Variants in KLRG1 observed in about 807,000 individuals in gnomAD.
KLRG1 encodes killer cell lectin like receptor G1, also known as killer cell lectin-like receptor subfamily G member 1.
A neutral mutation model predicts 21.8 loss-of-function variants in KLRG1; 16 were observed. That is an observed-to-expected ratio of 0.73 (90% CI 0.50 to 1.11). The LOEUF is 1.11. Ranked by LOEUF, KLRG1 falls within the 50% of genes most tolerant of loss-of-function variation. The probability of loss-of-function intolerance (pLI) is 0.00; values close to 1 mark genes in which losing one functional copy is unlikely to be tolerated. For synonymous variants in KLRG1, 69 were observed against 75.9 expected (o/e 0.91, Z 0.47); for missense variants, 173 against 218.3 (o/e 0.79, Z 1.31).
chr12:9,160,625 C>T, the KLRG1 span: 1 of 814,460 alleles, frequency 1.2e-6, no homozygotes, highest in Non-Finnish European at 1.9e-6. Flanking sequence ...GTGTGACTTC[C>T]AGAATCCTAA....
chr12:8,977,965 T>C (rs1485524938), intron 1 of KLRG1, among the ~76,000 whole-genome samples: 1 of 151,888 alleles, frequency 6.6e-6, no homozygotes, highest in Non-Finnish European at 1.5e-5. Context: ...TTCAAGCGAT[T>C]CTCCTGCCTC....
At chr12:9,019,467 TCC>T in the KLRG1 span, among the ~76,000 whole-genome samples, 1 of 152,188 alleles carries the variant, frequency 6.6e-6, no homozygotes, top group African/African-American at 2.4e-5. Context: ...ATATCTGCAC[TCC>T]CATGTTTATT....
downstream of KLRG1, among the ~76,000 whole-genome samples, chr12:9,015,414 C>T (rs761792207): frequency 6.6e-6 from 1 of 152,186 alleles, no homozygotes; most frequent in South Asian, 2.1e-4. Context: ...GAGACAAGGT[C>T]TCTTTGACCT....
At chr12:9,160,991 C>T in the KLRG1 span, 1 of 1,427,694 alleles carries the variant, frequency 7.0e-7, no homozygotes, top group South Asian at 1.1e-5. Context: ...TGTACAGTGG[C>T]AACTCTTTTG....
chr12:9,016,863 C>G, the KLRG1 span, among the ~76,000 whole-genome samples: 4 of 152,192 alleles, frequency 2.6e-5, no homozygotes, highest in Admixed American at 2.0e-4. Context: ...ATCCACCTGC[C>G]TCAGCCTCCC....
chr12:9,079,187 A>G, the KLRG1 span: 14 of 1,311,394 alleles, frequency 1.1e-5, no homozygotes, highest in African/African-American at 1.5e-5. Flanking sequence ...AATTGAGGTA[A>G]TACATGTAAA....
chr12:9,058,256 A>C, the KLRG1 span: 1 of 152,114 alleles, frequency 6.6e-6, no homozygotes, highest in East Asian at 1.9e-4. Flanking sequence ...CTATCTAGCT[A>C]TCTCTCTATG....
chr12:9,036,753 G>C, the KLRG1 span: 1 of 375,384 alleles, frequency 2.7e-6, no homozygotes. Context: ...CATAAACCTT[G>C]CTTGTGATGT....
chr12:8,998,842 A>AT (rs957146198), intron 3 of KLRG1, among the ~76,000 whole-genome samples: 31 of 152,090 alleles, frequency 2.0e-4, no homozygotes, highest in African/African-American at 7.2e-4. Context: ...ATATTTAAAA[A>AT]TTTTTTTGAA....
At chr12:9,005,285 T>C (rs1322138373) in intron 3 of KLRG1, among the ~76,000 whole-genome samples, 1 of 152,162 alleles carries the variant, frequency 6.6e-6, no homozygotes, top group Non-Finnish European at 1.5e-5. Flanking sequence ...TAATCCACCA[T>C]GGCACGTGTA....
the KLRG1 span, chr12:9,068,011 G>A: frequency 1.0e-6 from 1 of 957,892 alleles, no homozygotes; most frequent in Non-Finnish European, 1.6e-6. Flanking sequence ...ACTCTCTGAG[G>A]TTTGACAGAG....
At chr12:9,047,585 C>T in the KLRG1 span, among the ~76,000 whole-genome samples, 17 of 151,864 alleles carry the variant, frequency 1.1e-4, no homozygotes, top group Non-Finnish European at 2.1e-4. Flanking sequence ...TGTGAATAGT[C>T]TAAATACATC....
At chr12:9,192,054 T>TCATAAGAC in the KLRG1 span, 1 of 681,756 alleles carries the variant, frequency 1.5e-6, no homozygotes. Context: ...TGCCAAAGAG[T>TCATAAGAC]CATAAGACGA....
chr12:9,183,422 C>T, the KLRG1 span, among the ~76,000 whole-genome samples: 1 of 151,412 alleles, frequency 6.6e-6, no homozygotes, highest in African/African-American at 2.4e-5. Flanking sequence ...TTTTTTGAGA[C>T]AGGGTCTTGC....
the KLRG1 span, chr12:9,112,582 TCTC>T: frequency 6.2e-7 from 1 of 1,606,600 alleles, no homozygotes; most frequent in Non-Finnish European, 8.5e-7. Flanking sequence ...CACCCGCAGG[TCTC>T]CTCCCCTATT....
chr12:8,967,073 A>C (rs1023625189), intron 1 of KLRG1, among the ~76,000 whole-genome samples: 2 of 150,280 alleles, frequency 1.3e-5, no homozygotes, highest in African/African-American at 4.9e-5. Flanking sequence ...TTCTCAGCAA[A>C]CTATTGCAAG....
the KLRG1 span, chr12:9,148,921 A>T: frequency 6.7e-7 from 1 of 1,497,508 alleles, no homozygotes; most frequent in Non-Finnish European, 9.3e-7. Flanking sequence ...ATTCCTTCTA[A>T]GTAAATGTAT....
At chr12:9,077,978 T>A in the KLRG1 span, 1 of 1,102,112 alleles carries the variant, frequency 9.1e-7, no homozygotes, top group Non-Finnish European at 1.3e-6. Flanking sequence ...CTTAGAGAGC[T>A]TATCTCCTTG....
At chr12:9,165,182 G>A in the KLRG1 span, 1 of 1,614,120 alleles carries the variant, frequency 6.2e-7, no homozygotes, top group East Asian at 2.2e-5. Context: ...GGCCTTGAGT[G>A]TGAAGACCTC....
Sources: allele counts gnomAD v4.1 joint callset (sites outside exome capture counted in the v4.1 genomes callset), GRCh38; gene constraint gnomAD v4.1.1; transcripts MANE v1.5; gene names NCBI Gene and HGNC (gene_info 2026-07-23, HGNC 2026-07-21).